The following CHST12 variants were observed in gnomAD, a reference collection of about 807,000 sequenced individuals.
The protein encoded by CHST12 is carbohydrate (chondroitin 4) sulfotransferase 12.
In CHST12, 23 loss-of-function variants were observed where a neutral mutation model predicts 27.9. The ratio of observed to expected loss-of-function variants is 0.82; its 90% CI spans 0.59 to 1.17. The LOEUF (loss-of-function observed/expected upper bound fraction) is 1.17, where lower values mean the gene tolerates loss of function less well. CHST12 is among the 50% of genes most tolerant of loss of function. The pLI is 0.00. For synonymous variants in CHST12, 322 were observed against 273.0 expected (o/e 1.18, Z -1.77); for missense variants, 682 against 603.0 (o/e 1.13, Z -1.37).
In CHST12 at chr7:2,439,873, C is replaced by A. The variant is rs1782560396; in HGVS notation, c.*5989C>A. On this transcript the variant is annotated 3_prime_UTR_variant, in exon 2 of 2. Transcript: ENST00000618655. ...CCAGCCTGGGCGACAGAGCGAGACT[C>A]CGTCTCAAAAAAAAATTTTTTTTTT... is the stretch of plus-strand genomic sequence containing the variant. The A allele has an allele frequency of 6.6e-6, 1 of 151,942 alleles. No individual in the cohort carries two copies. Among genetic ancestry groups the A allele is most frequent in the Non-Finnish European group, 1.5e-5 (1 of 68,014 alleles). The allele number at this position is 151,942 out of a possible 1,614,324, so 9.4% of individuals were successfully genotyped here. A position where few individuals can be genotyped will look rare whatever the true frequency, so the allele number is the denominator to read the frequency against.
At chr7:2,408,394 CCTTGCGTACCCTCTCCAGGACATA>C (rs1369282489) in intron 1 of CHST12, among the ~76,000 whole-genome samples, 3 of 147,288 alleles carry the variant, frequency 2.0e-5, no homozygotes, top group African/African-American at 7.5e-5. Flanking sequence ...AAAAAAAGAT[CCTTGCGTACCCTCTCCAGGACATA>C]CTGTTGTGAA....
intron 1 of CHST12, among the ~76,000 whole-genome samples, chr7:2,425,568 A>AAACAAC (rs146907869): frequency 0.016 from 2,387 of 152,288 alleles, 27 homozygotes; most frequent in Middle Eastern, 0.037. Flanking sequence ...GATGTGGCTG[A>AAACAAC]GGTCACAGGA....
At chr7:2,426,314 C>T (rs1782115846) in intron 1 of CHST12, among the ~76,000 whole-genome samples, 1 of 152,188 alleles carries the variant, frequency 6.6e-6, no homozygotes, top group Non-Finnish European at 1.5e-5. Flanking sequence ...CTGAGATTCA[C>T]TCGGTATTGA....
intron 1 of CHST12, among the ~76,000 whole-genome samples, chr7:2,413,789 C>T (rs1438869676): frequency 1.5e-5 from 2 of 137,106 alleles, no homozygotes; most frequent in Admixed American, 8.3e-5. Flanking sequence ...AGTGCAGTGG[C>T]GTGATCTTGG....
intron 1 of CHST12, among the ~76,000 whole-genome samples, chr7:2,406,735 G>A (rs765244088): frequency 2.0e-5 from 3 of 152,094 alleles, no homozygotes; most frequent in Non-Finnish European, 4.4e-5. Context: ...CCTTGCTAAC[G>A]AAGCCCGTCA....
chr7:2,429,944 G>A (rs1048879361), intron 1 of CHST12, among the ~76,000 whole-genome samples: 2 of 151,592 alleles, frequency 1.3e-5, no homozygotes, highest in Admixed American at 6.6e-5. Context: ...CACCATGCAC[G>A]GCAGATTTTT....
rs1454189548 is a variant in CHST12, at chr7:2,447,918, C to G, written c.*14034C>G. 1 of 152,162 alleles carries G rather than the reference C, an allele frequency of 6.6e-6. No individual in the cohort carries two copies. The highest frequency in any genetic ancestry group is 1.5e-5 in the Non-Finnish European group (1 of 68,058). 9.4% of individuals were successfully genotyped at this position (152,162 alleles called of 1,614,324 possible). On this transcript the variant is annotated 3_prime_UTR_variant, in exon 2 of 2. Coordinates refer to ENST00000618655, the MANE Select transcript of CHST12 (RefSeq NM_018641.5). ...GCAGAGCCTCACTCTGTCGCCCAGG[C>G]AGGAGTGCAGTGGTGCGACCTCAGC... is the stretch of plus-strand genomic sequence containing the variant.
Position 2,432,780 on chromosome 7 carries a change from G to T in CHST12, c.141G>T (p.Pro47=). 1.2e-6 allele frequency: 2 copies of T among 1,613,558 alleles called. No individual in the cohort carries two copies. The highest frequency in any genetic ancestry group is 8.5e-7 in the Non-Finnish European group (1 of 1,179,780). ...HTSFSRPHTG[P]PLPTPGPDRD... ...CCTTCTCTAGGCCGCACACGGGGCC[G>T]CCGCTGCCCACGCCCGGGCCGGACA... The change falls in exon 2 of 2, where the codon CCG becomes CCT. Residue 47 remains proline, a synonymous_variant. Transcript: ENST00000618655.
At chr7:2,416,087 T>C (rs994052949) in intron 1 of CHST12, among the ~76,000 whole-genome samples, 1 of 152,238 alleles carries the variant, frequency 6.6e-6, no homozygotes, top group Non-Finnish European at 1.5e-5. Flanking sequence ...TGTAAGTCTA[T>C]GGAATATTCT....
intron 1 of CHST12, among the ~76,000 whole-genome samples, chr7:2,426,018 C>G (rs1375884128): frequency 6.6e-6 from 1 of 151,858 alleles, no homozygotes; most frequent in Non-Finnish European, 1.5e-5. Flanking sequence ...CGACGGGGCT[C>G]GCTAGATCAG....
rs921578089 is a variant in CHST12, at chr7:2,433,181, T to A, written c.542T>A (p.Val181Glu). ...PKVACTNWKR[V>E]MIVLSGSLLH... ...GTGGCCTGCACCAACTGGAAGCGCG[T>A]GATGATCGTGCTGAGCGGAAGCCTG... Residue 181 changes from valine to glutamate, a missense_variant, in exon 2 of 2, where the codon GTG becomes GAG. Transcript: ENST00000618655. This position sits in a 1 kb window ranked among gnomAD's most constrained non-coding sequence, Gnocchi z 6.1. 12 of 1,612,870 alleles carry A rather than the reference T, an allele frequency of 7.4e-6. No homozygotes were observed. The highest frequency in any genetic ancestry group is 1.0e-5 in the Non-Finnish European group (12 of 1,179,626).
Position 2,433,452 on chromosome 7 carries a change from C to T in CHST12, c.813C>T (p.Ala271=), listed in dbSNP as rs181720113. ...LENEEFYRKF[A]VPMLRLYANH... is the part of the protein sequence containing the mutation. ...ACGAGGAGTTCTACCGCAAGTTCGCCGTGCCCATGCTGCGGCTGTACGCCA... is the reference window on the plus strand; with the variant it reads ...ACGAGGAGTTCTACCGCAAGTTCGCTGTGCCCATGCTGCGGCTGTACGCCA... Residue 271 remains alanine (A), a synonymous_variant, in exon 2 of 2, where the codon GCC becomes GCT. Coordinates refer to ENST00000618655, the MANE Select transcript of CHST12 (RefSeq NM_018641.5). The surrounding 1 kb of genome is among the most constrained non-coding windows in gnomAD (Gnocchi z 6.1). 1.9e-3 allele frequency: 3,011 copies of T among 1,610,324 alleles called. 63 individuals carry two copies. In the South Asian group the frequency reaches 0.026, roughly 14 times the overall value.
chr7:2,409,479 G>A (rs1454409762), intron 1 of CHST12, among the ~76,000 whole-genome samples: 1 of 152,054 alleles, frequency 6.6e-6, no homozygotes, highest in Admixed American at 6.6e-5. Flanking sequence ...GCCAGACATG[G>A]TGGCCTGTGT....
intron 1 of CHST12, among the ~76,000 whole-genome samples, chr7:2,425,270 C>A (rs1297965375): frequency 1.1e-4 from 16 of 151,646 alleles, no homozygotes; most frequent in African/African-American, 3.1e-4. Flanking sequence ...CAGTGAGGAC[C>A]GCGCTTAGTC....
intron 1 of CHST12, among the ~76,000 whole-genome samples, chr7:2,407,664 T>C (rs1781559216): frequency 6.6e-6 from 1 of 152,010 alleles, no homozygotes; most frequent in South Asian, 2.1e-4. Context: ...AGGCTGGGTG[T>C]GGTGGCTCAT....
intron 1 of CHST12, among the ~76,000 whole-genome samples, chr7:2,419,782 C>T (rs923136684): frequency 2.6e-4 from 39 of 151,642 alleles, no homozygotes; most frequent in African/African-American, 9.4e-4. Context: ...ACGTTCACAT[C>T]ACTCTGCAGC....
chr7:2,432,894 A>C lies in CHST12; in HGVS notation c.255A>C (p.Arg85Ser). 1 of 1,613,426 alleles carries C rather than the reference A, an allele frequency of 6.2e-7. No homozygotes were observed. The highest frequency in any genetic ancestry group is 8.5e-7 in the Non-Finnish European group (1 of 1,179,872). ...GCGTGAAGCAGAGCGACCTTCCCAG[A>C]AAGGAGACGGAGCAGCCGCCTGCGC... is the stretch of plus-strand genomic sequence containing the variant. ...SAGVKQSDLP[R>S]KETEQPPAPG... The change falls in exon 2 of 2, where the codon AGA (arginine) becomes AGC (serine). Residue 85 changes from arginine (R) to serine (S), a missense_variant. Transcript: ENST00000618655.
Position 2,436,097 on chromosome 7 carries a change from A to C in CHST12, c.*2213A>C, listed in dbSNP as rs976354423. Reference sequence around the variant, plus strand: ...CCAAAGTGCTGGGATTACAGGCATGAGCCATCACACCTGGCCCCTCCAAGT... The same window carrying C: ...CCAAAGTGCTGGGATTACAGGCATGCGCCATCACACCTGGCCCCTCCAAGT... On this transcript the variant is annotated 3_prime_UTR_variant, in exon 2 of 2. Coordinates refer to ENST00000618655, the MANE Select transcript of CHST12 (RefSeq NM_018641.5). The C allele has an allele frequency of 2.0e-5, 3 of 152,330 alleles. No individual in the cohort carries two copies. The highest frequency in any genetic ancestry group is 7.2e-5 in the African/African-American group (3 of 41,466). 9.4% of individuals were successfully genotyped at this position (152,330 alleles called of 1,614,324 possible). A position where few individuals can be genotyped will look rare whatever the true frequency, so the allele number is the denominator to read the frequency against.
rs1375139234 is a variant in CHST12, at chr7:2,447,888, T to C, written c.*14004T>C. ...TGAATAAACACTTTTTTTGTTGTTG[T>C]TGAGGCAGAGCCTCACTCTGTCGCC... is the stretch of plus-strand genomic sequence containing the variant. On this transcript the variant is annotated 3_prime_UTR_variant, in exon 2 of 2. Coordinates refer to ENST00000618655, the MANE Select transcript of CHST12 (RefSeq NM_018641.5). The C allele has an allele frequency of 1.3e-5, 2 of 152,128 alleles. No individual in the cohort carries two copies. Among genetic ancestry groups the C allele is most frequent in the Non-Finnish European group, 2.9e-5 (2 of 68,036 alleles). The allele number at this position is 152,128 out of a possible 1,614,324, so 9.4% of individuals were successfully genotyped here. A position where few individuals can be genotyped will look rare whatever the true frequency, so the allele number is the denominator to read the frequency against.
Sources: gnomAD v4.1 joint callset for allele counts (sites outside exome capture counted in the v4.1 genomes callset) on GRCh38, gnomAD v4.1.1 for gene constraint, Gnocchi (gnomAD v3.1) non-coding constraint, MANE v1.5 for transcripts, NCBI Gene and HGNC (gene_info 2026-07-23, HGNC 2026-07-21) for gene names.